The following HSPA12A variants were observed in gnomAD, a reference collection of about 807,000 sequenced individuals.
HSPA12A encodes heat shock 70 kDa protein 12A.
In HSPA12A, 28 loss-of-function variants were observed where a neutral mutation model predicts 69.2. That is an observed-to-expected ratio of 0.40 (90% CI 0.30 to 0.55). HSPA12A has a LOEUF of 0.55. Among genes scored for constraint, HSPA12A ranks in the 20% least tolerant of loss-of-function variants. The probability of loss-of-function intolerance (pLI) is 0.38; values close to 1 mark genes in which losing one functional copy is unlikely to be tolerated. For missense variants in HSPA12A, 686 were observed against 900.7 expected (o/e 0.76, Z 3.05); for synonymous variants, 345 against 370.5 (o/e 0.93, Z 0.79).
chr10:116,696,002 CAA>C (rs71013609), intron 5 of HSPA12A, among the ~76,000 whole-genome samples: 8 of 32,722 alleles, frequency 2.4e-4, no homozygotes, highest in Admixed American at 8.3e-4. Flanking sequence ...GACTCCATCT[CAA>C]AAAAAAAAAA....
chr10:116,725,956 A>C (rs74161316), intron 1 of HSPA12A, among the ~76,000 whole-genome samples: 3,361 of 151,928 alleles, frequency 0.022, 119 homozygotes, highest in African/African-American at 0.077. Flanking sequence ...ACAGAATGCA[A>C]CTCAGTGAGG....
intron 1 of HSPA12A, among the ~76,000 whole-genome samples, chr10:116,840,946 G>A (rs1246742790): frequency 6.6e-6 from 1 of 152,118 alleles, no homozygotes; most frequent in Admixed American, 6.5e-5. Context: ...CTCCCTCAGG[G>A]CACTTTGGTA....
chr10:116,726,019 A>ACACGCGCG (rs1850945333), intron 1 of HSPA12A, among the ~76,000 whole-genome samples: 1 of 45,470 alleles, frequency 2.2e-5, no homozygotes, highest in African/African-American at 9.6e-5. Context: ...TTAGACACAC[A>ACACGCGCG]CACACACGCA....
At chr10:116,725,489 G>A (rs577566174) in intron 1 of HSPA12A, among the ~76,000 whole-genome samples, 1 of 152,298 alleles carries the variant, frequency 6.6e-6, no homozygotes, top group South Asian at 2.1e-4. Flanking sequence ...ACAGGCTGGG[G>A]GCCCTGAGAG....
chr10:116,823,562 T>C (rs879714727), intron 2 of HSPA12A, among the ~76,000 whole-genome samples: 5 of 152,190 alleles, frequency 3.3e-5, no homozygotes, highest in Non-Finnish European at 7.3e-5. Flanking sequence ...GACAGATCAA[T>C]GGAATAGAAT....
intron 1 of HSPA12A, among the ~76,000 whole-genome samples, chr10:116,839,181 T>C (rs1845764448): frequency 6.6e-6 from 1 of 152,210 alleles, no homozygotes; most frequent in Middle Eastern, 3.2e-3. Flanking sequence ...TGAATTAATA[T>C]AGAGCTACTG....
At chr10:116,780,355 A>T (rs1844437719) in intron 2 of HSPA12A, among the ~76,000 whole-genome samples, 1 of 151,156 alleles carries the variant, frequency 6.6e-6, no homozygotes, top group Non-Finnish European at 1.5e-5. Context: ...ATTATATAAT[A>T]ATTATTATTA....
At chr10:116,791,801 C>T (rs1176639395) in intron 2 of HSPA12A, among the ~76,000 whole-genome samples, 6 of 152,052 alleles carry the variant, frequency 3.9e-5, no homozygotes, top group Non-Finnish European at 8.8e-5. Flanking sequence ...TCTCCTCTTC[C>T]ACGGGCATGT....
intron 1 of HSPA12A, among the ~76,000 whole-genome samples, chr10:116,711,323 G>A (rs1850419865): frequency 6.6e-6 from 1 of 152,208 alleles, no homozygotes; most frequent in Admixed American, 6.5e-5. Flanking sequence ...GAAAGGCTAA[G>A]TCAACACCTC....
At chr10:116,804,064 T>C (rs898386028) in intron 2 of HSPA12A, among the ~76,000 whole-genome samples, 2 of 152,150 alleles carry the variant, frequency 1.3e-5, no homozygotes, top group African/African-American at 2.4e-5. Flanking sequence ...CAACGGCCCC[T>C]CTGTGCAGCT....
chr10:116,746,179 C>G (rs1554887798), upstream of HSPA12A, among the ~76,000 whole-genome samples: 1 of 152,156 alleles, frequency 6.6e-6, no homozygotes, highest in Non-Finnish European at 1.5e-5. Context: ...CAACAGACTC[C>G]CTCTCTGCTC....
In HSPA12A at chr10:116,679,612, C is replaced by T. The variant is rs535724982; in HGVS notation, c.1177G>A (p.Ala393Thr). 1 of 1,614,242 alleles carries T rather than the reference C, an allele frequency of 6.2e-7. No homozygotes were observed. Among genetic ancestry groups the T allele is most frequent in the East Asian group, 2.2e-5 (1 of 44,884 alleles). ...AGCGGGTTAGTTCTGTCTGGGGCAG[C>T]CGCCCTTTTGCGAGACTCAAACGCA... ...MIAFESRKRAAAPDRTNPLNI... is the reference protein window; with the variant it reads ...MIAFESRKRATAPDRTNPLNI... Residue 393 changes from alanine (A) to threonine (T), a missense_variant, in exon 10 of 12, where the codon GCT becomes ACT. Transcript: ENST00000369209.
intron 1 of HSPA12A, among the ~76,000 whole-genome samples, chr10:116,727,920 A>G (rs1328387129): frequency 1.2e-5 from 1 of 83,384 alleles, no homozygotes; most frequent in East Asian, 3.6e-4. Flanking sequence ...ACCATGCCCG[A>G]CTAATTTTTT....
At chr10:116,793,632 A>G (rs1844749805) in intron 2 of HSPA12A, among the ~76,000 whole-genome samples, 1 of 152,182 alleles carries the variant, frequency 6.6e-6, no homozygotes, top group African/African-American at 2.4e-5. Flanking sequence ...CAACAATGGC[A>G]TGCAAATCAA....
chr10:116,762,528 C>T (rs73380856), intron 2 of HSPA12A, among the ~76,000 whole-genome samples: 2,710 of 152,224 alleles, frequency 0.018, 49 homozygotes, highest in East Asian at 0.098. Context: ...CATTTCCACA[C>T]TGCCTGGAAA....
intron 2 of HSPA12A, among the ~76,000 whole-genome samples, chr10:116,778,214 T>C (rs1167955910): frequency 3.3e-5 from 5 of 152,198 alleles, no homozygotes; most frequent in African/African-American, 1.2e-4. Flanking sequence ...TTCCAAGCAA[T>C]ATATTATTTA....
intron 6 of HSPA12A, among the ~76,000 whole-genome samples, chr10:116,690,694 C>T (rs924411975): frequency 3.3e-5 from 5 of 152,164 alleles, no homozygotes; most frequent in African/African-American, 1.2e-4. Flanking sequence ...TGGTGCCCTC[C>T]ACTGTGACTC....
chr10:116,849,490 C>T, intron 1 of HSPA12A: 2 of 1,426,126 alleles, frequency 1.4e-6, no homozygotes, highest in Non-Finnish European at 1.8e-6. Flanking sequence ...GTCGGGATCA[C>T]GTTGCGTTGC....
chr10:116,754,372 C>T (rs554622575), intron 2 of HSPA12A, among the ~76,000 whole-genome samples: 16 of 152,274 alleles, frequency 1.1e-4, no homozygotes, highest in African/African-American at 3.4e-4. Flanking sequence ...TTATTTTCTA[C>T]GTTTCCTATT....
Sources: gnomAD v4.1 joint callset for allele counts (sites outside exome capture counted in the v4.1 genomes callset) on GRCh38, gnomAD v4.1.1 for gene constraint, MANE v1.5 for transcripts, NCBI Gene and HGNC (gene_info 2026-07-23, HGNC 2026-07-21) for gene names.